The following NUDC variants were observed in gnomAD, a reference collection of about 807,000 sequenced individuals.
NUDC encodes nuclear distribution C, dynein complex regulator.
In NUDC, 14 loss-of-function variants were observed where a neutral mutation model predicts 45.0. The ratio of observed to expected loss-of-function variants is 0.31; its 90% CI spans 0.21 to 0.49. The LOEUF is 0.49. Ranked by LOEUF, NUDC falls within the 20% of genes least tolerant of loss-of-function variation. The pLI, the probability that NUDC is intolerant of heterozygous loss-of-function variation, is 0.99. For synonymous variants in NUDC, 153 were observed against 156.7 expected, an observed-to-expected ratio of 0.98 and a Z score of 0.17; for missense variants, 323 against 426.2, an observed-to-expected ratio of 0.76 and a Z score of 2.13.
chr1:26,906,277 T>A (rs1337142595), intron 2 of NUDC, among the ~76,000 whole-genome samples: 2 of 147,322 alleles, frequency 1.4e-5, no homozygotes, highest in African/African-American at 5.1e-5. Flanking sequence ...AGACTCTGTC[T>A]CAAAAAAAAA....
chr1:26,900,168 C>G (rs901762624), upstream of NUDC: 7 of 1,614,052 alleles, frequency 4.3e-6, no homozygotes, highest in Non-Finnish European at 5.9e-6. Flanking sequence ...AGTAGAGTCT[C>G]GAGTGGAGAG....
chr1:26,946,236 C>G lies in NUDC; in HGVS notation c.*55C>G. 6.8e-7 allele frequency: 1 copy of G among 1,472,644 alleles called. No homozygotes were observed. The highest frequency in any genetic ancestry group is 1.7e-5 in the Admixed American group (1 of 59,852). The allele number at this position is 1,472,644 out of a possible 1,614,324, so 91.2% of individuals were successfully genotyped here. A position where few individuals can be genotyped will look rare whatever the true frequency, so the allele number is the denominator to read the frequency against. On this transcript the variant is annotated 3_prime_UTR_variant, in exon 9 of 9. Coordinates refer to ENST00000321265, the MANE Select transcript of NUDC (RefSeq NM_006600.4). Reference sequence around the variant, plus strand: ...GGCTGAGCTGCAACCACCCAACTTTCTTTCCCACTCTTCTCTGGGACTTGT... The same window carrying G: ...GGCTGAGCTGCAACCACCCAACTTTGTTTCCCACTCTTCTCTGGGACTTGT...
At chr1:26,936,150 TATATATATATATATA>T (rs1184493365) in intron 2 of NUDC, among the ~76,000 whole-genome samples, 3 of 9,602 alleles carry the variant, frequency 3.1e-4, no homozygotes, top group Non-Finnish European at 4.9e-4. Context: ...TATATATATA[TATATATATATATATA>T]TTTTTTTTTT....
chr1:26,937,614 C>T (rs2124129870), intron 2 of NUDC, among the ~76,000 whole-genome samples: 1 of 152,046 alleles, frequency 6.6e-6, no homozygotes, highest in East Asian at 1.9e-4. Context: ...TGTAGTTCCT[C>T]AGTGCACTAG....
At chr1:26,943,680 G>A (rs1453196697) in intron 6 of NUDC, among the ~76,000 whole-genome samples, 4 of 152,136 alleles carry the variant, frequency 2.6e-5, no homozygotes, top group African/African-American at 9.7e-5. Context: ...CTAAGTGCTG[G>A]AAAGAGAACA....
intron 3 of NUDC, among the ~76,000 whole-genome samples, chr1:26,912,830 T>A (rs1295189072): frequency 6.6e-6 from 1 of 152,202 alleles, no homozygotes; most frequent in Non-Finnish European, 1.5e-5. Context: ...CACAGCCTTC[T>A]GTAAAGGTCA....
At chr1:26,936,134 AATATATATATATATATATATAT>A (rs1215586103) in intron 2 of NUDC, among the ~76,000 whole-genome samples, 3 of 6,812 alleles carry the variant, frequency 4.4e-4, no homozygotes, top group East Asian at 6.8e-3. Flanking sequence ...ACGCCCGGCT[AATATATATATATATATATATAT>A]ATATATATAT....
At chr1:26,913,707 C>T (rs1475882019) in intron 3 of NUDC, 19 of 1,609,620 alleles carry the variant, frequency 1.2e-5, no homozygotes, top group Non-Finnish European at 1.6e-5. Context: ...GGGGAGGCAG[C>T]TGCCAGAAGG....
intron 1 of NUDC, among the ~76,000 whole-genome samples, chr1:26,923,563 C>G: frequency 6.6e-6 from 1 of 152,044 alleles, no homozygotes; most frequent in East Asian, 1.9e-4. Context: ...CTCTGCTTCC[C>G]GGGTTCAAGT....
At chr1:26,918,349 C>T (rs985183657), upstream of NUDC, among the ~76,000 whole-genome samples, 1 of 150,424 alleles carries the variant, frequency 6.6e-6, no homozygotes, top group African/African-American at 2.5e-5. Context: ...TCTCGGCTCA[C>T]TGCAACCTCC....
intron 2 of NUDC, among the ~76,000 whole-genome samples, chr1:26,904,702 C>T (rs1014735836): frequency 6.6e-6 from 1 of 152,176 alleles, no homozygotes; most frequent in Non-Finnish European, 1.5e-5. Flanking sequence ...TAACCTCGAG[C>T]ACTTTACTTA....
chr1:26,934,728 G>T (rs1172289239), intron 2 of NUDC, among the ~76,000 whole-genome samples: 1 of 145,742 alleles, frequency 6.9e-6, no homozygotes, highest in Non-Finnish European at 1.5e-5. Context: ...GGTGCAATCT[G>T]GGCTCACTGC....
intron 2 of NUDC, among the ~76,000 whole-genome samples, chr1:26,928,373 A>T (rs1016346953): frequency 2.0e-5 from 3 of 152,218 alleles, no homozygotes; most frequent in African/African-American, 7.2e-5. Flanking sequence ...AGCATTAGAA[A>T]ACTGGAAGCT....
chr1:26,946,241 C>T lies in NUDC; in HGVS notation c.*60C>T. ...AGCTGCAACCACCCAACTTTCTTTCCCACTCTTCTCTGGGACTTGTGGGCC... is the reference window on the plus strand; with the variant it reads ...AGCTGCAACCACCCAACTTTCTTTCTCACTCTTCTCTGGGACTTGTGGGCC... On this transcript the variant is annotated 3_prime_UTR_variant, in exon 9 of 9. Transcript: ENST00000321265. 1 of 1,456,480 alleles carries T rather than the reference C, an allele frequency of 6.9e-7. No individual in the cohort carries two copies. The allele number at this position is 1,456,480 out of a possible 1,614,324, so 90.2% of individuals were successfully genotyped here. A position where few individuals can be genotyped will look rare whatever the true frequency, so the allele number is the denominator to read the frequency against.
intron 3 of NUDC, 31 bp downstream of exon 3, chr1:26,941,691 C>T (rs1320924234): frequency 1.2e-6 from 2 of 1,613,300 alleles, no homozygotes; most frequent in Non-Finnish European, 1.7e-6. Flanking sequence ...CTCCACCCCT[C>T]AGATCCCCCC....
chr1:26,939,279 A>G (rs896742077), intron 2 of NUDC, among the ~76,000 whole-genome samples: 3 of 151,830 alleles, frequency 2.0e-5, no homozygotes, highest in Non-Finnish European at 4.4e-5. Flanking sequence ...CATCTTCCCA[A>G]AGTGCTGGGA....
exon 2 of NUDC, chr1:26,902,323 A>T (rs1170537368): frequency 6.6e-6 from 1 of 152,188 alleles, no homozygotes; most frequent in African/African-American, 2.4e-5. Flanking sequence ...GCCAGCGCAC[A>T]TCTCCTCCTT....
intron 1 of NUDC, chr1:26,922,502 C>G (rs2124091935): frequency 6.4e-6 from 1 of 156,558 alleles, no homozygotes; most frequent in Non-Finnish European, 1.4e-5. Context: ...CGTAAGTTCT[C>G]AGTAATAAGG....
chr1:26,937,254 A>G (rs1293926307), intron 2 of NUDC, among the ~76,000 whole-genome samples: 1 of 151,768 alleles, frequency 6.6e-6, no homozygotes, highest in Non-Finnish European at 1.5e-5. Context: ...GAAACTCCAA[A>G]CCCCATTGTT....
Sources: allele counts gnomAD v4.1 joint callset (sites outside exome capture counted in the v4.1 genomes callset), GRCh38; gene constraint gnomAD v4.1.1; transcripts MANE v1.5; gene names NCBI Gene and HGNC (gene_info 2026-07-23, HGNC 2026-07-21).